Variants in PRH1 observed in about 807,000 individuals in gnomAD.
PRH1 encodes the protein salivary acidic proline-rich phosphoprotein 1/2.
PRH1 carries 7 observed loss-of-function variants against 7.9 expected under a neutral mutation model. The ratio of observed to expected loss-of-function variants is 0.89; its 90% CI spans 0.50 to 1.67. The LOEUF is 1.67. PRH1 is among the 40% of genes most tolerant of loss of function. PRH1 has a pLI of 0.00. For missense variants in PRH1, 109 were observed against 223.6 expected, an observed-to-expected ratio of 0.49 and a Z score of 3.27; for synonymous variants, 45 against 80.8, an observed-to-expected ratio of 0.56 and a Z score of 2.38.
At chr12:10,933,062 C>A (rs1950236351) in intron 2 of PRH1, among the ~76,000 whole-genome samples, 2 of 151,616 alleles carry the variant, frequency 1.3e-5, no homozygotes, top group Admixed American at 1.3e-4. Flanking sequence ...CTTGAAAATC[C>A]AATAAAATTG....
intron 1 of PRH1, among the ~76,000 whole-genome samples, chr12:11,002,888 T>G (rs1940659308): frequency 6.6e-6 from 1 of 152,068 alleles, no homozygotes; most frequent in Non-Finnish European, 1.5e-5. Context: ...GTATAATTAT[T>G]TCATTTAGGG....
chr12:10,984,020 C>A (rs1341280440), intron 1 of PRH1, among the ~76,000 whole-genome samples: 2 of 150,870 alleles, frequency 1.3e-5, no homozygotes, highest in East Asian at 1.9e-4. Flanking sequence ...TTTAAATGTT[C>A]ATTTAGAAAG....
chr12:11,093,613 A>G lies in PRH1; in HGVS notation n.124-46425T>C, dbSNP rs1299628484. Reference sequence around the variant, plus strand: ...TTAAATATTTATTATTATACAAAATATTTAGCAATTTTATAACAATTCCTG... The same window carrying G: ...TTAAATATTTATTATTATACAAAATGTTTAGCAATTTTATAACAATTCCTG... On this transcript the variant is annotated intron_variant and non_coding_transcript_variant, in intron 1 of 4. Transcript: ENST00000541977. Among the ~76,000 whole-genome samples, 5 of 115,896 alleles carry G rather than the reference A, an allele frequency of 4.3e-5. 1 individual carries two copies. The highest frequency in any genetic ancestry group is 1.7e-4 in the Admixed American group (2 of 11,448). 76.0% of individuals were successfully genotyped at this position (115,896 alleles called of 152,430 possible).
In PRH1 at chr12:10,957,494, T is replaced by G. The variant is rs563493195; in HGVS notation, c.-59+16161A>C. ...AAAATAACCTAGTAAACACCATTCC[T>G]GCATAGGACCTGGCAAAGATTTCAT... On this transcript the variant is annotated intron_variant, in intron 2 of 3. Coordinates refer to the PRH1 transcript ENST00000539853. Among the ~76,000 whole-genome samples the G allele has an allele frequency of 4.6e-3, 699 of 152,222 alleles. 6 individuals carry two copies. The highest frequency in any genetic ancestry group is 0.016 in the African/African-American group (673 of 41,542).
chr12:11,112,755 A>G (rs1945625649), intron 1 of PRH1, among the ~76,000 whole-genome samples: 1 of 152,166 alleles, frequency 6.6e-6, no homozygotes, highest in South Asian at 2.1e-4. Flanking sequence ...CAAGGATGCC[A>G]TCTCTCACCA....
intron 1 of PRH1, among the ~76,000 whole-genome samples, chr12:11,148,366 A>C (rs1344629612): frequency 4.0e-5 from 6 of 151,122 alleles, no homozygotes; most frequent in South Asian, 2.1e-4. Flanking sequence ...GTCTTGTGCC[A>C]GTTTTCAAAG....
chr12:10,899,748 G>C lies in PRH1; in HGVS notation c.-58-15473C>G, dbSNP rs111524267. Among the ~76,000 whole-genome samples the C allele has an allele frequency of 2.8e-3, 425 of 152,128 alleles. 2 individuals carry two copies. The highest frequency in any genetic ancestry group is 4.9e-3 in the Non-Finnish European group (331 of 68,008). On this transcript the variant is annotated intron_variant, in intron 2 of 3. Transcript: ENST00000539853. ...ACCTCTTTTATTTATAAATTACTCA[G>C]CTTCAGGTATTCCTTTATACCAACA...
intron 2 of PRH1, among the ~76,000 whole-genome samples, chr12:10,934,306 C>T (rs981126301): frequency 1.3e-5 from 2 of 152,144 alleles, no homozygotes; most frequent in Non-Finnish European, 2.9e-5. Flanking sequence ...ATAACTACAG[C>T]TCCTCTATAA....
At chr12:10,967,445 A>G (rs1426815615) in intron 2 of PRH1, among the ~76,000 whole-genome samples, 3 of 152,230 alleles carry the variant, frequency 2.0e-5, no homozygotes, top group African/African-American at 7.2e-5. Context: ...AAGACGTGGA[A>G]CATTGCAAAG....
At chr12:11,072,631 A>T (rs61912083) in intron 1 of PRH1, among the ~76,000 whole-genome samples, 2 of 151,784 alleles carry the variant, frequency 1.3e-5, no homozygotes, top group Non-Finnish European at 2.9e-5. Context: ...CTTAACCTAA[A>T]TGGCCTCTAC....
chr12:10,915,551 A>C lies in PRH1; in HGVS notation c.-58-31276T>G. ...ACCCAAACTAGGTCACACGTGTCAAAGTATATTAAAATGGAGGCCAGGTCT... is the reference window on the plus strand; with the variant it reads ...ACCCAAACTAGGTCACACGTGTCAACGTATATTAAAATGGAGGCCAGGTCT... On this transcript the variant is annotated intron_variant, in intron 2 of 3. Transcript: ENST00000539853. 3.1e-5 allele frequency among the ~76,000 whole-genome samples: 2 copies of C among 64,762 alleles called. 1 individual carries two copies. The highest frequency in any genetic ancestry group is 8.7e-5 in the Non-Finnish European group (2 of 22,992). The allele number at this position is 64,762 out of a possible 152,430, so 42.5% of individuals were successfully genotyped here.
intron 1 of PRH1, among the ~76,000 whole-genome samples, chr12:11,042,833 G>T (rs1474421668): frequency 6.6e-6 from 1 of 151,800 alleles, no homozygotes; most frequent in Non-Finnish European, 1.5e-5. Flanking sequence ...GTTTCACTGT[G>T]TTAGCCAGGA....
chr12:11,009,870 T>C (rs1456206591), intron 1 of PRH1, among the ~76,000 whole-genome samples: 1 of 151,966 alleles, frequency 6.6e-6, no homozygotes, highest in African/African-American at 2.4e-5. Context: ...AACTAATTTT[T>C]ACTTTGTTTA....
intron 2 of PRH1, among the ~76,000 whole-genome samples, chr12:10,970,524 G>C (rs150722316): frequency 3.3e-5 from 5 of 150,996 alleles, no homozygotes; most frequent in African/African-American, 1.2e-4. Flanking sequence ...TATAGTTCTT[G>C]CTTATATATT....
chr12:10,882,869 G>A (rs1253598663), intron 2 of PRH1, among the ~76,000 whole-genome samples, 171 bp from the exon 3 acceptor site: 2 of 152,106 alleles, frequency 1.3e-5, no homozygotes, highest in African/African-American at 4.8e-5. Context: ...ATCCACATAA[G>A]GGTGATGAAA....
intron 2 of PRH1, among the ~76,000 whole-genome samples, chr12:10,924,175 G>T (rs1420706260): frequency 6.6e-6 from 1 of 151,828 alleles, no homozygotes; most frequent in East Asian, 1.9e-4. Context: ...TTTTAATAGA[G>T]ACGGGGTTTC....
chr12:11,169,114 A>G (rs967120388), intron 1 of PRH1, among the ~76,000 whole-genome samples: 3 of 152,234 alleles, frequency 2.0e-5, no homozygotes, highest in Non-Finnish European at 4.4e-5. Flanking sequence ...CAGTTAAAGG[A>G]AGCTTCCAAT....
chr12:11,133,465 G>C (rs762769697), intron 1 of PRH1: 23 of 1,613,962 alleles, frequency 1.4e-5, no homozygotes, highest in Non-Finnish European at 1.9e-5. Flanking sequence ...AGAACATGAA[G>C]ACAGGTTGCT....
In PRH1 at chr12:10,908,997, G is replaced by A. The variant is rs779791412; in HGVS notation, c.-58-24722C>T. 2.5e-6 allele frequency: 4 copies of A among 1,613,630 alleles called. No homozygotes were observed. The African/African-American group carries it at 5.3e-5, about 22-fold the overall frequency. On this transcript the variant is annotated intron_variant, in intron 2 of 3. Transcript: ENST00000539853. ...GAGCAAATAAAAGATGCTGAAGATT[G>A]TAGCAAGCCAGAGATTGAAGTGATT... is the stretch of plus-strand genomic sequence containing the variant.
Sources: allele counts gnomAD v4.1 joint callset (sites outside exome capture counted in the v4.1 genomes callset), GRCh38; gene constraint gnomAD v4.1.1; transcripts MANE v1.5; gene names NCBI Gene and HGNC (gene_info 2026-07-23, HGNC 2026-07-21).